AGBL4: variants seen among roughly 807,000 people sequenced by gnomAD.
AGBL4 encodes AGBL carboxypeptidase 4.
AGBL4 carries 58 observed loss-of-function variants against 66.4 expected under a neutral mutation model. That is an observed-to-expected ratio of 0.87 (90% confidence interval 0.71 to 1.09). AGBL4 has a LOEUF of 1.09. Ranked by LOEUF, AGBL4 falls within the 50% of genes least tolerant of loss-of-function variation. AGBL4 has a pLI of 0.00. For synonymous variants in AGBL4, 234 were observed against 222.9 expected (o/e 1.05, Z -0.44); for missense variants, 579 against 631.0 (o/e 0.92, Z 0.88).
intron 7 of AGBL4, among the ~76,000 whole-genome samples, chr1:48,655,017 G>A (rs896230824): frequency 2.6e-5 from 4 of 152,224 alleles, no homozygotes; most frequent in Non-Finnish European, 5.9e-5. Context: ...GAGCCAGCCT[G>A]TGCTCAGGGC....
intron 3 of AGBL4, among the ~76,000 whole-genome samples, chr1:49,341,626 A>G (rs1283405705): frequency 6.6e-6 from 1 of 152,124 alleles, no homozygotes; most frequent in Non-Finnish European, 1.5e-5. Flanking sequence ...TCTTTGGATT[A>G]ATCTGCCTTG....
chr1:48,910,886 A>G (rs1376329296), intron 5 of AGBL4, among the ~76,000 whole-genome samples: 1 of 152,230 alleles, frequency 6.6e-6, no homozygotes, highest in Non-Finnish European at 1.5e-5. Flanking sequence ...TAGTAAAAAC[A>G]TTCCTAGGCC....
At chr1:48,574,506 T>C (rs1245489805) in intron 11 of AGBL4, among the ~76,000 whole-genome samples, 4 of 151,962 alleles carry the variant, frequency 2.6e-5, no homozygotes, top group Non-Finnish European at 4.4e-5. Flanking sequence ...ATAAATACCA[T>C]AAAAATATGT....
intron 4 of AGBL4, among the ~76,000 whole-genome samples, chr1:49,064,730 C>T (rs1037279402): frequency 5.3e-5 from 8 of 152,124 alleles, no homozygotes; most frequent in Non-Finnish European, 7.4e-5. Flanking sequence ...CTTGGAATTA[C>T]GTTTTAGAAC....
intron 3 of AGBL4, among the ~76,000 whole-genome samples, chr1:49,483,089 T>C (rs372822442): frequency 6.6e-6 from 1 of 152,074 alleles, no homozygotes; most frequent in Non-Finnish European, 1.5e-5. Flanking sequence ...AGAATGTATA[T>C]TCTGTTATTT....
At chr1:49,734,324 G>A (rs188500959) in intron 2 of AGBL4, among the ~76,000 whole-genome samples, 33 of 151,776 alleles carry the variant, frequency 2.2e-4, no homozygotes, top group Admixed American at 6.6e-4. Flanking sequence ...AGAGAGAAAG[G>A]GGGAAATGTA....
At chr1:50,020,149 G>T (rs574562987) in intron 1 of AGBL4, among the ~76,000 whole-genome samples, 2 of 151,974 alleles carry the variant, frequency 1.3e-5, no homozygotes, top group Non-Finnish European at 2.9e-5. Flanking sequence ...CACAGTTCAG[G>T]TAACAATTCT....
chr1:49,544,984 CCTAA>C (rs1305849074), intron 3 of AGBL4, among the ~76,000 whole-genome samples: 3 of 152,106 alleles, frequency 2.0e-5, no homozygotes, highest in Non-Finnish European at 2.9e-5. Flanking sequence ...TGAATATGTT[CCTAA>C]CTATCTAATA....
chr1:48,548,657 T>A lies in AGBL4; in HGVS notation c.1268-8919A>T, dbSNP rs180842019. Among the ~76,000 whole-genome samples, 869 of 152,216 alleles carry A rather than the reference T, an allele frequency of 5.7e-3. 6 individuals are homozygous for A. Among genetic ancestry groups the A allele is most frequent in the African/African-American group, 0.019 (802 of 41,528 alleles). On this transcript the variant is annotated intron_variant, in intron 11 of 13. Transcript: ENST00000371839. ...CTGAAGCTTTCTCCATACTTCTCAC[T>A]CCCTGCAGCTCTTCTAGAACCCTCA...
At chr1:49,050,302 C>G (rs1644182497) in intron 4 of AGBL4, among the ~76,000 whole-genome samples, 1 of 152,110 alleles carries the variant, frequency 6.6e-6, no homozygotes, top group Admixed American at 6.6e-5. Context: ...CATGTACACA[C>G]TCAACACATT....
chr1:49,688,805 T>C (rs973185997), intron 3 of AGBL4, among the ~76,000 whole-genome samples: 9 of 152,192 alleles, frequency 5.9e-5, no homozygotes, highest in Non-Finnish European at 8.8e-5. Flanking sequence ...TAGTTTTGAT[T>C]TGCATTTCTC....
At chr1:48,687,245 A>G (rs1646548543) in intron 6 of AGBL4, among the ~76,000 whole-genome samples, 1 of 152,104 alleles carries the variant, frequency 6.6e-6, no homozygotes, top group South Asian at 2.1e-4. Flanking sequence ...GGGCAAAGAG[A>G]AAGGGCTGGG....
intron 4 of AGBL4, among the ~76,000 whole-genome samples, chr1:49,130,447 G>A (rs1418353600): frequency 6.6e-6 from 1 of 152,130 alleles, no homozygotes; most frequent in African/African-American, 2.4e-5. Flanking sequence ...ATGGTTTTAG[G>A]TCTAACGTTT....
chr1:49,957,606 T>C, intron 1 of AGBL4, among the ~76,000 whole-genome samples: 1 of 152,016 alleles, frequency 6.6e-6, no homozygotes, highest in Non-Finnish European at 1.5e-5. Context: ...CCCTTTACCA[T>C]TATGTAATGG....
chr1:49,820,574 T>C (rs1336305246), intron 2 of AGBL4, among the ~76,000 whole-genome samples: 2 of 152,140 alleles, frequency 1.3e-5, no homozygotes, highest in Non-Finnish European at 2.9e-5. Context: ...GATCAGATAC[T>C]CAAACCCTAC....
At chr1:49,408,738 C>A (rs551321371) in intron 3 of AGBL4, among the ~76,000 whole-genome samples, 2 of 152,194 alleles carry the variant, frequency 1.3e-5, no homozygotes, top group Non-Finnish European at 2.9e-5. Context: ...CAGAGGCTCT[C>A]GGGCCTTAGG....
At chr1:48,858,995 T>C (rs1250377245) in intron 6 of AGBL4, among the ~76,000 whole-genome samples, 7 of 152,022 alleles carry the variant, frequency 4.6e-5, no homozygotes, top group African/African-American at 1.7e-4. Flanking sequence ...ATTGCACATA[T>C]CTACCCATTT....
chr1:49,258,420 C>A (rs989214218), intron 3 of AGBL4, among the ~76,000 whole-genome samples: 27 of 151,990 alleles, frequency 1.8e-4, no homozygotes, highest in Non-Finnish European at 3.5e-4. Context: ...AAAATTTAGA[C>A]GAATGTATAA....
intron 4 of AGBL4, among the ~76,000 whole-genome samples, chr1:49,067,425 T>A (rs1644511377): frequency 6.6e-6 from 1 of 152,210 alleles, no homozygotes; most frequent in Admixed American, 6.5e-5. Flanking sequence ...CATCTTGTAC[T>A]TCTCTCGTTT....
Sources: gnomAD v4.1 joint callset for allele counts (sites outside exome capture counted in the v4.1 genomes callset) on GRCh38, gnomAD v4.1.1 for gene constraint, MANE v1.5 for transcripts, NCBI Gene and HGNC (gene_info 2026-07-23, HGNC 2026-07-21) for gene names.